Variants in C12orf42 observed in about 807,000 individuals in gnomAD.
C12orf42 encodes chromosome 12 open reading frame 42, also known as uncharacterized protein C12orf42.
Under a neutral mutation model 21.6 loss-of-function variants are expected in C12orf42, and 25 were observed. The observed-to-expected ratio is 1.16, with a 90% CI of 0.84 to 1.62. The LOEUF (loss-of-function observed/expected upper bound fraction) is 1.62. Ranked by LOEUF, C12orf42 falls within the 40% of genes most tolerant of loss-of-function variation. The pLI is 0.00. For missense variants in C12orf42, 483 were observed against 459.3 expected (o/e 1.05, Z -0.47); for synonymous variants, 174 against 175.0 (o/e 0.99, Z 0.05).
rs971780240 is a variant in C12orf42 at position 103,382,401 on chromosome 12, A to G, written c.148-13403T>C. Among the ~76,000 whole-genome samples the G allele has an allele frequency of 3.3e-5, 5 of 152,252 alleles. No individual in the cohort carries two copies. The East Asian group carries it at 5.8e-4, about 18-fold the overall frequency. Reference sequence around the variant, plus strand: ...TTTACAAAGATGCTAAGGCAATAGTAGCAGAAGACTAAAGAGTCAAGTCAG... The same window carrying G: ...TTTACAAAGATGCTAAGGCAATAGTGGCAGAAGACTAAAGAGTCAAGTCAG... On this transcript the variant is annotated intron_variant, in intron 3 of 5. Coordinates refer to ENST00000548883, the MANE Select transcript of C12orf42 (RefSeq NM_198521.5).
chr12:103,481,376 C>T (rs1014433571), intron 1 of C12orf42, among the ~76,000 whole-genome samples: 2 of 151,848 alleles, frequency 1.3e-5, no homozygotes, highest in Non-Finnish European at 3.0e-5. Flanking sequence ...GTATACCATA[C>T]AGGAAAAGTC....
intron 10 of C12orf42, among the ~76,000 whole-genome samples, chr12:103,249,687 C>G (rs2034194146): frequency 6.6e-6 from 1 of 152,066 alleles, no homozygotes; most frequent in Non-Finnish European, 1.5e-5. Context: ...TACCCAGTTT[C>G]AGTACAGCAC....
chr12:103,224,114 C>T, the C12orf42 span, among the ~76,000 whole-genome samples: 1 of 151,618 alleles, frequency 6.6e-6, no homozygotes, highest in Non-Finnish European at 1.5e-5. Context: ...GTAGGAAAGG[C>T]CTCTACCTAT....
chr12:103,381,912 G>A (rs1416990232), intron 3 of C12orf42, among the ~76,000 whole-genome samples: 4 of 93,964 alleles, frequency 4.3e-5, no homozygotes, highest in East Asian at 2.5e-4. Flanking sequence ...GTGAGACTCC[G>A]TCTCAAAAAA....
At chr12:103,449,098 G>T (rs186307770) in intron 2 of C12orf42, among the ~76,000 whole-genome samples, 68 of 151,004 alleles carry the variant, frequency 4.5e-4, no homozygotes, top group African/African-American at 1.6e-3. Flanking sequence ...TAGATAGATA[G>T]ATAGATAGAT....
At chr12:103,095,942 A>C in the C12orf42 span, among the ~76,000 whole-genome samples, 7 of 152,320 alleles carry the variant, frequency 4.6e-5, no homozygotes, top group East Asian at 1.2e-3. Context: ...TGTGGGTCCC[A>C]AACTGTGTGC....
intron 4 of C12orf42, among the ~76,000 whole-genome samples, chr12:103,340,035 T>C (rs2042036426): frequency 6.6e-6 from 1 of 152,208 alleles, no homozygotes; most frequent in Non-Finnish European, 1.5e-5. Context: ...CCTAAGATTA[T>C]TTAGCTTAGC....
rs2036947887 is a variant in C12orf42 at position 103,293,376 on chromosome 12, T to A, written n.338-16166A>T. On this transcript the variant is annotated intron_variant and non_coding_transcript_variant, in intron 4 of 6. Transcript: ENST00000546526. ...ACCTAACTATGTTTATAATGTTGTA[T>A]TCTATTCCTGAAAGAGCTCCCCTCA... Among the ~76,000 whole-genome samples, 3 of 152,088 alleles carry A rather than the reference T, an allele frequency of 2.0e-5. No homozygotes were observed. The East Asian group carries it at 5.8e-4, about 29-fold the overall frequency.
intron 4 of C12orf42, among the ~76,000 whole-genome samples, chr12:103,346,454 T>C (rs1303793023): frequency 1.3e-5 from 2 of 152,204 alleles, no homozygotes; most frequent in African/African-American, 4.8e-5. Flanking sequence ...TGGTATACAA[T>C]ATGAGGTACC....
At chr12:103,409,303 ATCAGAGG>A (rs891161707) in intron 2 of C12orf42, among the ~76,000 whole-genome samples, 1 of 152,232 alleles carries the variant, frequency 6.6e-6, no homozygotes, top group African/African-American at 2.4e-5. Flanking sequence ...CAAAGAGGTT[ATCAGAGG>A]TCAGAGGCCT....
intron 4 of C12orf42, among the ~76,000 whole-genome samples, chr12:103,306,942 C>T (rs1244263205): frequency 1.3e-5 from 2 of 152,210 alleles, no homozygotes; most frequent in East Asian, 1.9e-4. Context: ...CAGGTGAAGA[C>T]AGGGACAGAT....
chr12:103,403,936 G>A (rs566678350), intron 2 of C12orf42, among the ~76,000 whole-genome samples: 11 of 152,182 alleles, frequency 7.2e-5, no homozygotes, highest in Non-Finnish European at 1.5e-4. Flanking sequence ...GCAAGTTGTG[G>A]ATGGCACAAC....
chr12:103,162,099 C>T, the C12orf42 span, among the ~76,000 whole-genome samples: 278 of 152,280 alleles, frequency 1.8e-3, no homozygotes, highest in Middle Eastern at 3.4e-3. Context: ...AACATTGGCT[C>T]CTTTCTATAC....
the C12orf42 span, among the ~76,000 whole-genome samples, chr12:103,102,535 G>C: frequency 6.6e-6 from 1 of 152,180 alleles, no homozygotes; most frequent in African/African-American, 2.4e-5. Flanking sequence ...GGTTGGGCCA[G>C]TAAAGTCCCT....
intron 4 of C12orf42, among the ~76,000 whole-genome samples, chr12:103,295,478 A>G (rs75567333): frequency 0.083 from 12,588 of 152,046 alleles, 520 homozygotes; most frequent in East Asian, 0.18. Context: ...TGCGAGCATG[A>G]GTGATGGAGG....
rs1327203413 is a variant in C12orf42, at chr12:103,302,062, T to C, written c.*46A>G. The stretch of plus-strand genomic sequence containing the variant: ...CCTTTCTGTTGTTCTGAGCAGGCAT[T>C]GATTTGAAGATGGGCAGCACTCGCC... On this transcript the variant is annotated 3_prime_UTR_variant, in exon 6 of 6. Coordinates refer to ENST00000548883, the MANE Select transcript of C12orf42 (RefSeq NM_198521.5). 7 of 1,566,146 alleles carry C rather than the reference T, an allele frequency of 4.5e-6. No individual in the cohort carries two copies. Among genetic ancestry groups the C allele is most frequent in the Non-Finnish European group, 5.2e-6 (6 of 1,152,036 alleles).
chr12:103,145,143 A>G, the C12orf42 span, among the ~76,000 whole-genome samples: 2 of 152,208 alleles, frequency 1.3e-5, no homozygotes, highest in East Asian at 1.9e-4. Context: ...CGTCTCCCCA[A>G]AAAACTCAAA....
chr12:103,197,784 T>C, the C12orf42 span, among the ~76,000 whole-genome samples: 1 of 152,058 alleles, frequency 6.6e-6, no homozygotes, highest in Admixed American at 6.6e-5. Context: ...TTTGTATGAG[T>C]TGGGTTCAGT....
chr12:103,320,800 A>T (rs2040010708), intron 4 of C12orf42, among the ~76,000 whole-genome samples: 2 of 152,212 alleles, frequency 1.3e-5, no homozygotes, highest in Non-Finnish European at 2.9e-5. Flanking sequence ...TTATGCTCAC[A>T]ACAATCTCCC....
Sources: gnomAD v4.1 joint callset for allele counts (sites outside exome capture counted in the v4.1 genomes callset) on GRCh38, gnomAD v4.1.1 for gene constraint, MANE v1.5 for transcripts, NCBI Gene and HGNC (gene_info 2026-07-23, HGNC 2026-07-21) for gene names.